The following PRKAG2 variants were observed in gnomAD, a reference collection of about 807,000 sequenced individuals.
The protein encoded by PRKAG2 is protein kinase AMP-activated non-catalytic subunit gamma 2.
In PRKAG2, 26 loss-of-function variants were observed where a neutral mutation model predicts 69.6. That is an observed-to-expected ratio of 0.37 (90% CI 0.27 to 0.52). PRKAG2 has a LOEUF of 0.52. Among genes scored for constraint, PRKAG2 ranks in the 20% least tolerant of loss-of-function variants. The pLI, the probability that PRKAG2 is intolerant of heterozygous loss-of-function variation, is 0.90. For missense variants in PRKAG2, 557 were observed against 740.0 expected (o/e 0.75, Z 2.87); for synonymous variants, 293 against 285.0 (o/e 1.03, Z -0.28).
At chr7:151,875,562 G>GGTGTGTGTGTGTGTGTGTGTGTGTGT (rs55660204) in intron 1 of PRKAG2, among the ~76,000 whole-genome samples, 5 of 131,342 alleles carry the variant, frequency 3.8e-5, no homozygotes, top group East Asian at 5.3e-4. Context: ...GGAGCACTCT[G>GGTGTGTGTGTGTGTGTGTGTGTGTGT]GTGTGTGTGT....
chr7:151,783,245 G>C (rs565312796), intron 2 of PRKAG2, among the ~76,000 whole-genome samples: 4 of 151,354 alleles, frequency 2.6e-5, no homozygotes, highest in Non-Finnish European at 5.9e-5. Flanking sequence ...GGCCTGGCGC[G>C]GACACCTTCG....
At chr7:151,696,602 C>T (rs1372195754) in intron 3 of PRKAG2, among the ~76,000 whole-genome samples, 3 of 152,326 alleles carry the variant, frequency 2.0e-5, no homozygotes, top group South Asian at 2.1e-4. Context: ...CCCCCAGTTA[C>T]GAGAGGTTTC....
At position 151,655,142 on chromosome 7, in the gene PRKAG2, T is replaced by C. The variant is rs7799087; in HGVS notation, c.684+20278A>G. ...TTTACTTGTTATTTCTTGGGTATTC[T>C]TTCAGAAAGAAACAGCAATAGTTTT... On this transcript the variant is annotated intron_variant, in intron 4 of 15. Coordinates refer to ENST00000287878, the MANE Select transcript of PRKAG2 (RefSeq NM_016203.4). 5.0e-3 allele frequency among the ~76,000 whole-genome samples: 769 copies of C among 152,346 alleles called. 3 individuals are homozygous for C. The highest frequency in any genetic ancestry group is 0.018 in the African/African-American group (734 of 41,584).
intron 5 of PRKAG2, among the ~76,000 whole-genome samples, chr7:151,629,975 A>G (rs1265782860): frequency 6.6e-6 from 1 of 152,272 alleles, no homozygotes; most frequent in African/African-American, 2.4e-5. Flanking sequence ...AAAGTTCAAA[A>G]GAAACAAAGC....
chr7:151,577,697 C>A (rs1327473287), intron 6 of PRKAG2, among the ~76,000 whole-genome samples: 2 of 151,512 alleles, frequency 1.3e-5, no homozygotes, highest in South Asian at 2.1e-4. Flanking sequence ...TACTTCTAAT[C>A]TTGAAAACTG....
intron 1 of PRKAG2, among the ~76,000 whole-genome samples, chr7:151,810,998 G>A (rs369916072): frequency 2.0e-5 from 3 of 152,094 alleles, no homozygotes; most frequent in African/African-American, 4.8e-5. Context: ...GTGGCGGAGA[G>A]GGCAGACCCT....
rs114141107 is a variant in PRKAG2, at chr7:151,747,574, C to A, written c.466+33578G>T. ...TCCGTCTCAAAAAAAAACCAACCAA[C>A]CAAACAAACAAAAAAACTGTAAAGT... On this transcript the variant is annotated intron_variant, in intron 3 of 15. Coordinates refer to ENST00000287878, the MANE Select transcript of PRKAG2 (RefSeq NM_016203.4). Among the ~76,000 whole-genome samples, 1,375 of 151,712 alleles carry A rather than the reference C, an allele frequency of 9.1e-3. 22 individuals carry two copies. Among genetic ancestry groups the A allele is most frequent in the African/African-American group, 0.031 (1,302 of 41,342 alleles).
At chr7:151,830,491 T>G (rs1354687095) in intron 1 of PRKAG2, among the ~76,000 whole-genome samples, 1 of 151,944 alleles carries the variant, frequency 6.6e-6, no homozygotes, top group East Asian at 1.9e-4. Context: ...CTCACTCTCC[T>G]TTGAGGTAAC....
rs193090782 is a variant in PRKAG2 at position 151,841,805 on chromosome 7, A to G, written c.114+34702T>C. 6.1e-3 allele frequency among the ~76,000 whole-genome samples: 815 copies of G among 133,302 alleles called. 10 individuals are homozygous for G. Among genetic ancestry groups the G allele is most frequent in the African/African-American group, 0.02 (691 of 34,230 alleles). 87.5% of individuals were successfully genotyped at this position (133,302 alleles called of 152,430 possible). A position where few individuals can be genotyped will look rare whatever the true frequency, so the allele number is the denominator to read the frequency against. On this transcript the variant is annotated intron_variant, in intron 1 of 15. Coordinates refer to ENST00000287878, the MANE Select transcript of PRKAG2 (RefSeq NM_016203.4). ...GATGGTAGTGATAGTAGGTAGTAAT[A>G]GTAGTGATGGTAGGTTGTGATGGTA...
intron 3 of PRKAG2, among the ~76,000 whole-genome samples, chr7:151,774,324 G>A (rs2076228524): frequency 6.6e-6 from 1 of 152,138 alleles, no homozygotes; most frequent in Non-Finnish European, 1.5e-5. Flanking sequence ...ACACCAGCCA[G>A]CCTAGGTACT....
intron 3 of PRKAG2, among the ~76,000 whole-genome samples, chr7:151,679,309 G>A (rs189577335): frequency 3.3e-5 from 5 of 152,318 alleles, no homozygotes; most frequent in African/African-American, 9.6e-5. Context: ...GTGGGGCACT[G>A]CCTGGGGCCT....
At chr7:151,846,815 G>A (rs116128020) in intron 1 of PRKAG2, among the ~76,000 whole-genome samples, 1 of 152,316 alleles carries the variant, frequency 6.6e-6, no homozygotes, top group African/African-American at 2.4e-5. Context: ...TTCTGTAGTT[G>A]GATTCTAGGA....
intron 5 of PRKAG2, among the ~76,000 whole-genome samples, chr7:151,598,124 C>T (rs1815089750): frequency 6.6e-6 from 1 of 152,056 alleles, no homozygotes; most frequent in Non-Finnish European, 1.5e-5. Context: ...TACTATTCAA[C>T]CATAAAAAAG....
chr7:151,806,654 T>A, intron 1 of PRKAG2: 1 of 193,310 alleles, frequency 5.2e-6, no homozygotes, highest in Non-Finnish European at 1.1e-5. Context: ...ACAGAAGGAG[T>A]CTTGGGAGGA....
chr7:151,736,308 C>G, intron 3 of PRKAG2: 1 of 1,191,086 alleles, frequency 8.4e-7, no homozygotes, highest in South Asian at 2.7e-5. Flanking sequence ...AAGAAGCTGC[C>G]GGAAGCGCAA....
chr7:151,735,895 C>G (rs1306594540), intron 3 of PRKAG2: 2 of 1,536,152 alleles, frequency 1.3e-6, no homozygotes, highest in African/African-American at 2.7e-5. Flanking sequence ...TGGGCAGAGT[C>G]CTACCGAAAA....
intron 5 of PRKAG2, among the ~76,000 whole-genome samples, chr7:151,625,989 C>T (rs1035187003): frequency 1.3e-5 from 2 of 152,162 alleles, no homozygotes; most frequent in African/African-American, 4.8e-5. Flanking sequence ...AAGGACTCAG[C>T]ACAGCTGGCT....
chr7:151,742,640 T>A (rs1286087889), intron 3 of PRKAG2, among the ~76,000 whole-genome samples: 44 of 150,416 alleles, frequency 2.9e-4, no homozygotes, highest in East Asian at 9.8e-4. Flanking sequence ...AAAAAAAAAA[T>A]AAAATAAAAT....
At position 151,658,624 on chromosome 7, in the gene PRKAG2, C is replaced by T. The variant is rs1321749333; in HGVS notation, c.684+16796G>A. On this transcript the variant is annotated intron_variant, in intron 4 of 15. Coordinates refer to ENST00000287878, the MANE Select transcript of PRKAG2 (RefSeq NM_016203.4). ...AAAAATTATTTGCCACCAAATGTGC[C>T]TGATCTAATTCAGTATTGGGGTGCG... Among the ~76,000 whole-genome samples the T allele has an allele frequency of 2.6e-5, 4 of 152,086 alleles. No homozygotes were observed. In the South Asian group the frequency reaches 8.3e-4, roughly 32 times the overall value.
Sources: gnomAD v4.1 joint callset for allele counts (sites outside exome capture counted in the v4.1 genomes callset) on GRCh38, gnomAD v4.1.1 for gene constraint, MANE v1.5 for transcripts, NCBI Gene and HGNC (gene_info 2026-07-23, HGNC 2026-07-21) for gene names.